FGD6: variants seen among roughly 807,000 people sequenced by gnomAD.
FGD6 encodes FYVE, RhoGEF and PH domain-containing protein 6.
FGD6 carries 90 observed loss-of-function variants against 149.4 expected under a neutral mutation model. That is an observed-to-expected ratio of 0.60 (90% confidence interval 0.51 to 0.72). The LOEUF (loss-of-function observed/expected upper bound fraction) is 0.72. FGD6 is among the 30% of genes least tolerant of loss of function. The pLI, the probability that FGD6 is intolerant of heterozygous loss-of-function variation, is 0.00. For missense variants in FGD6, 1,437 were observed against 1,684.8 expected (o/e 0.85, Z 2.57); for synonymous variants, 527 against 584.0 (o/e 0.90, Z 1.41).
intron 13 of FGD6, among the ~76,000 whole-genome samples, chr12:95,105,877 A>G (rs1878603010): frequency 6.6e-6 from 1 of 152,006 alleles, no homozygotes; most frequent in Non-Finnish European, 1.5e-5. Flanking sequence ...TACAAAAATT[A>G]GCTGAGCCTG....
intron 3 of FGD6, among the ~76,000 whole-genome samples, chr12:95,155,190 G>T (rs1270893939): frequency 6.6e-6 from 1 of 152,082 alleles, no homozygotes; most frequent in Non-Finnish European, 1.5e-5. Flanking sequence ...ATGAGGAGAG[G>T]ATTCCTCAAG....
At chr12:95,160,238 C>T (rs1449036227) in intron 3 of FGD6, among the ~76,000 whole-genome samples, 1 of 151,536 alleles carries the variant, frequency 6.6e-6, no homozygotes, top group Admixed American at 6.6e-5. Context: ...AAACATTTCA[C>T]AGAAGAAGAT....
chr12:95,107,180 A>G (rs1878656569), intron 12 of FGD6, 143 bp from the exon 13 acceptor site: 1 of 596,742 alleles, frequency 1.7e-6, no homozygotes, highest in African/African-American at 2.1e-5. Flanking sequence ...TGCTATATAC[A>G]CTAGAACTAC....
intron 5 of FGD6, 27 bp from the exon 6 acceptor site, chr12:95,141,566 A>G: frequency 6.2e-7 from 1 of 1,613,200 alleles, no homozygotes; most frequent in Non-Finnish European, 8.5e-7. Flanking sequence ...CAGGAAAAAC[A>G]ATACACACAC....
intron 2 of FGD6, among the ~76,000 whole-genome samples, chr12:95,206,303 T>C (rs2136301759): frequency 6.7e-6 from 1 of 150,374 alleles, no homozygotes; most frequent in Non-Finnish European, 1.5e-5. Context: ...CAAAAAAATA[T>C]GCAAAAGCAT....
At chr12:95,203,734 A>G (rs988933271) in intron 2 of FGD6, among the ~76,000 whole-genome samples, 1 of 152,210 alleles carries the variant, frequency 6.6e-6, no homozygotes, top group African/African-American at 2.4e-5. Flanking sequence ...CCCAATTATC[A>G]TACTTTTTCT....
chr12:95,181,952 A>AC (rs1413332055), intron 2 of FGD6, among the ~76,000 whole-genome samples: 2 of 146,390 alleles, frequency 1.4e-5, no homozygotes, highest in Non-Finnish European at 2.9e-5. Context: ...AAAAAAAAAA[A>AC]AAAAACAAAG....
Position 95,210,060 on chromosome 12 carries a change from TG to T in FGD6, c.1223del (p.Thr408LysfsTer17). 6.2e-7 allele frequency: 1 copy of T among 1,614,112 alleles called. No homozygotes were observed. The highest frequency in any genetic ancestry group is 8.5e-7 in the Non-Finnish European group (1 of 1,180,022). On this transcript the variant is annotated frameshift_variant, in exon 2 of 21. Transcript: ENST00000343958. LOFTEE classifies it high-confidence loss of function. ...AAGGTGCCATTTTTTCAAAGGAAGTTGTTTCATTACACATGGCTTTCTGTGA... is the reference window on the plus strand; with the variant it reads ...AAGGTGCCATTTTTTCAAAGGAAGTTTTTCATTACACATGGCTTTCTGTGA... ...VNSQKAMCNE[T>X]TSFEKMAPSF...
rs1320290291 is a variant in FGD6, at chr12:95,116,689, C to G, written c.3083-2988G>C. 9 of 379,160 alleles carry G rather than the reference C, an allele frequency of 2.4e-5. No homozygotes were observed. In the Admixed American group the frequency reaches 2.8e-4, roughly 12 times the overall value. 23.5% of individuals were successfully genotyped at this position (379,160 alleles called of 1,614,324 possible). ...AGGAAGTAACGGAGTTAGGTTTACC[C>G]TCCTTGCCAATTTTTAAAAATATCT... On this transcript the variant is annotated intron_variant, in intron 8 of 20. Coordinates refer to ENST00000343958, the MANE Select transcript of FGD6 (RefSeq NM_018351.4).
rs909760975 is a variant in FGD6, at chr12:95,076,843, C to A, written c.*4677G>T. 3 of 151,348 alleles carry A rather than the reference C, an allele frequency of 2.0e-5. No individual in the cohort carries two copies. Among genetic ancestry groups the A allele is most frequent in the African/African-American group, 7.3e-5 (3 of 41,148 alleles). 9.4% of individuals were successfully genotyped at this position (151,348 alleles called of 1,614,324 possible). A position where few individuals can be genotyped will look rare whatever the true frequency, so the allele number is the denominator to read the frequency against. ...TAAAGTATATATGGACAAAAAGATACAAACTGTTATCATTTTAAGTACAAA... is the reference window on the plus strand; with the variant it reads ...TAAAGTATATATGGACAAAAAGATAAAAACTGTTATCATTTTAAGTACAAA... On this transcript the variant is annotated 3_prime_UTR_variant, in exon 21 of 21. Transcript: ENST00000343958.
chr12:95,158,858 GTAAAAA>G (rs1880557305), intron 3 of FGD6, among the ~76,000 whole-genome samples: 2 of 147,336 alleles, frequency 1.4e-5, no homozygotes, highest in African/African-American at 5.0e-5. Flanking sequence ...CATGTCGTTA[GTAAAAA>G]TAATAATAAT....
At chr12:95,188,671 T>C (rs1051577022) in intron 2 of FGD6, among the ~76,000 whole-genome samples, 3 of 152,224 alleles carry the variant, frequency 2.0e-5, no homozygotes, top group African/African-American at 7.2e-5. Flanking sequence ...TCATGTACAT[T>C]TAACTTTTTT....
intron 8 of FGD6, among the ~76,000 whole-genome samples, chr12:95,130,713 T>C (rs1048177300): frequency 7.2e-5 from 11 of 152,098 alleles, no homozygotes; most frequent in African/African-American, 2.4e-4. Context: ...ACCCTGTTTT[T>C]ACATAAAATT....
At chr12:95,154,549 A>G (rs144583371) in intron 3 of FGD6, among the ~76,000 whole-genome samples, 23 of 152,344 alleles carry the variant, frequency 1.5e-4, no homozygotes, top group African/African-American at 5.5e-4. Flanking sequence ...ACAAGCAAGT[A>G]TAAATTTTAG....
intron 3 of FGD6, among the ~76,000 whole-genome samples, chr12:95,172,041 G>GGGGGGA (rs1555221399): frequency 2.9e-5 from 4 of 138,260 alleles, no homozygotes; most frequent in East Asian, 2.3e-4. Context: ...TCTAAGGGGG[G>GGGGGGA]GGGGGTTGTT....
chr12:95,091,097 A>AAT (rs1878041032), intron 17 of FGD6, among the ~76,000 whole-genome samples: 3 of 152,190 alleles, frequency 2.0e-5, no homozygotes, highest in African/African-American at 7.2e-5. Context: ...CATCTCAAAA[A>AAT]ATATATATAA....
chr12:95,107,770 T>A (rs908301267), intron 11 of FGD6, 139 bp from the exon 12 acceptor site: 3 of 803,578 alleles, frequency 3.7e-6, no homozygotes, highest in Admixed American at 2.4e-5. Flanking sequence ...TTTTTTACAG[T>A]CATAGTTAAT....
At chr12:95,117,273 T>TAC (rs1224803985) in intron 8 of FGD6, among the ~76,000 whole-genome samples, 5 of 152,166 alleles carry the variant, frequency 3.3e-5, no homozygotes, top group Admixed American at 1.3e-4. Context: ...AGCATGTAGG[T>TAC]ACACTACAAA....
chr12:95,152,055 G>A (rs749917878), intron 5 of FGD6, among the ~76,000 whole-genome samples: 9 of 152,170 alleles, frequency 5.9e-5, no homozygotes, highest in Non-Finnish European at 1.3e-4. Context: ...GCTGGCTGCA[G>A]TGGCTCATGT....
Sources: allele counts gnomAD v4.1 joint callset (sites outside exome capture counted in the v4.1 genomes callset), GRCh38; gene constraint gnomAD v4.1.1; transcripts MANE v1.5; gene names NCBI Gene and HGNC (gene_info 2026-07-23, HGNC 2026-07-21).